GALNT17: variants seen among roughly 807,000 people sequenced by gnomAD.
GALNT17 encodes the protein UDP-GalNAc:polypeptide N-acetylgalactosaminyltransferase-like 3.
Under a neutral mutation model 63.7 loss-of-function variants are expected in GALNT17, and 29 were observed. The ratio of observed to expected loss-of-function variants is 0.46; its 90% CI spans 0.34 to 0.62. The LOEUF (loss-of-function observed/expected upper bound fraction) is 0.62, where lower values mean the gene tolerates loss of function less well. Among genes scored for constraint, GALNT17 ranks in the 20% least tolerant of loss-of-function variants. The pLI is 0.01. For missense variants in GALNT17, 603 were observed against 799.6 expected (o/e 0.75, Z 2.97); for synonymous variants, 305 against 318.3 (o/e 0.96, Z 0.45).
chr7:71,198,025 G>A (rs1183067612), intron 1 of GALNT17, among the ~76,000 whole-genome samples: 1 of 151,722 alleles, frequency 6.6e-6, no homozygotes, highest in African/African-American at 2.4e-5. Context: ...TGGTGAAACT[G>A]TCTCTACTCA....
chr7:71,505,241 C>G (rs1173715617), intron 5 of GALNT17, among the ~76,000 whole-genome samples: 2 of 152,150 alleles, frequency 1.3e-5, no homozygotes, highest in African/African-American at 4.8e-5. Flanking sequence ...ACGTGCTAGT[C>G]CCACTGTTGG....
chr7:71,298,736 GTGTATGTA>G (rs1331886091), intron 1 of GALNT17, among the ~76,000 whole-genome samples: 5 of 116,820 alleles, frequency 4.3e-5, no homozygotes, highest in Non-Finnish European at 8.1e-5. Context: ...GTGTGTGTGT[GTGTATGTA>G]TGTGTGTGAA....
chr7:71,336,835 A>G (rs879013391), intron 2 of GALNT17, among the ~76,000 whole-genome samples: 1 of 152,286 alleles, frequency 6.6e-6, no homozygotes, highest in South Asian at 2.1e-4. Flanking sequence ...AACAATTTAT[A>G]TTCCTTTGGG....
chr7:71,285,221 A>C (rs1047177942), intron 1 of GALNT17, among the ~76,000 whole-genome samples: 1 of 152,188 alleles, frequency 6.6e-6, no homozygotes, highest in African/African-American at 2.4e-5. Flanking sequence ...ACTACATATT[A>C]TTTGACTACC....
intron 1 of GALNT17, among the ~76,000 whole-genome samples, chr7:71,293,997 A>T (rs1255429575): frequency 6.6e-6 from 1 of 152,044 alleles, no homozygotes; most frequent in African/African-American, 2.4e-5. Context: ...GTCTCTACTA[A>T]AAATACAAAA....
chr7:71,230,170 T>C (rs997057602), intron 1 of GALNT17, among the ~76,000 whole-genome samples: 1 of 151,934 alleles, frequency 6.6e-6, no homozygotes, highest in Non-Finnish European at 1.5e-5. Flanking sequence ...CAACTCCCCA[T>C]GAGACAGAAT....
intron 5 of GALNT17, among the ~76,000 whole-genome samples, chr7:71,484,400 A>G (rs1787873933): frequency 6.6e-6 from 1 of 152,152 alleles, no homozygotes; most frequent in Admixed American, 6.5e-5. Context: ...AGGCAGGAGA[A>G]TGGCTTGAAC....
chr7:71,200,990 T>C (rs917696926), intron 1 of GALNT17, among the ~76,000 whole-genome samples: 9 of 151,930 alleles, frequency 5.9e-5, no homozygotes, highest in Admixed American at 1.3e-4. Context: ...TTAGTCAGAC[T>C]TTCTTCCCAA....
chr7:71,391,266 A>G (rs527525593), intron 3 of GALNT17, among the ~76,000 whole-genome samples: 17 of 152,232 alleles, frequency 1.1e-4, no homozygotes, highest in Non-Finnish European at 2.4e-4. Flanking sequence ...GTGAAGACTC[A>G]CTGCCAATGG....
intron 6 of GALNT17, among the ~76,000 whole-genome samples, chr7:71,634,754 AAAAAAAAAAAAAAAGAAAAAAG>A (rs1328453738): frequency 2.6e-4 from 1 of 3,834 alleles, no homozygotes; most frequent in Non-Finnish European, 3.2e-3. Flanking sequence ...ACTCCATCTC[AAAAAAAAAAAAAAAGAAAAAAG>A]AAAAAGAAAA....
intron 5 of GALNT17, among the ~76,000 whole-genome samples, chr7:71,447,433 TGGG>T: frequency 6.6e-6 from 1 of 152,304 alleles, no homozygotes; most frequent in South Asian, 2.1e-4. Flanking sequence ...TAATGCTTAT[TGGG>T]AAGTATTTTG....
chr7:71,201,264 G>A (rs1301322994), intron 1 of GALNT17, among the ~76,000 whole-genome samples: 3 of 100,050 alleles, frequency 3.0e-5, no homozygotes, highest in African/African-American at 1.5e-4. Flanking sequence ...TATAATTTGT[G>A]TGTGCATGCG....
At chr7:71,419,032 G>T (rs1456783706) in intron 4 of GALNT17, among the ~76,000 whole-genome samples, 1 of 152,130 alleles carries the variant, frequency 6.6e-6, no homozygotes, top group Non-Finnish European at 1.5e-5. Context: ...AGTGAGCTGA[G>T]ATCATGCCAT....
chr7:71,391,994 T>C (rs1401047424), intron 3 of GALNT17, among the ~76,000 whole-genome samples: 1 of 151,950 alleles, frequency 6.6e-6, no homozygotes, highest in East Asian at 1.9e-4. Flanking sequence ...GAGAACTTCC[T>C]CATTACCATG....
rs557886396 is a variant in GALNT17 at position 71,274,102 on chromosome 7, C to T, written c.239-61448C>T. On this transcript the variant is annotated intron_variant, in intron 1 of 10. Coordinates refer to ENST00000333538, the MANE Select transcript of GALNT17 (RefSeq NM_022479.3). ...TATGTTCGGTGGTGGTGGTAGGGAA[C>T]CTTCATTTGTGGCTTTTGCCTGTTT... Among the ~76,000 whole-genome samples, 4 of 152,234 alleles carry T rather than the reference C, an allele frequency of 2.6e-5. No homozygotes were observed. The East Asian group carries it at 7.7e-4, about 29-fold the overall frequency.
intron 5 of GALNT17, among the ~76,000 whole-genome samples, chr7:71,545,140 A>G (rs781541613): frequency 9.2e-5 from 14 of 151,984 alleles, no homozygotes; most frequent in Non-Finnish European, 1.6e-4. Flanking sequence ...ATCTCATTGA[A>G]CTTATCTCTC....
At chr7:71,140,320 G>C (rs1383349976) in intron 1 of GALNT17, among the ~76,000 whole-genome samples, 1 of 152,184 alleles carries the variant, frequency 6.6e-6, no homozygotes, top group East Asian at 1.9e-4. Flanking sequence ...TAGGACCAGG[G>C]CCAGGGTGCT....
At chr7:71,201,244 T>TATATATATATATATATATACAC (rs753976717) in intron 1 of GALNT17, among the ~76,000 whole-genome samples, 10 of 146,686 alleles carry the variant, frequency 6.8e-5, no homozygotes, top group South Asian at 2.1e-4. Context: ...TTTATTTTTA[T>TATATATATATATATATATACAC]ATATATATAT....
At chr7:71,524,419 A>G in intron 5 of GALNT17, among the ~76,000 whole-genome samples, 1 of 151,652 alleles carries the variant, frequency 6.6e-6, no homozygotes, top group East Asian at 1.9e-4. Context: ...CGCGTTCCCC[A>G]GTTGGTTCTG....
Sources: gnomAD v4.1 joint callset for allele counts (sites outside exome capture counted in the v4.1 genomes callset) on GRCh38, gnomAD v4.1.1 for gene constraint, MANE v1.5 for transcripts, NCBI Gene and HGNC (gene_info 2026-07-23, HGNC 2026-07-21) for gene names.